Variants in RAD51B observed in about 807,000 individuals in gnomAD.
RAD51B encodes the protein RAD51 paralog B.
In RAD51B, 38 loss-of-function variants were observed where a neutral mutation model predicts 42.2. That is an observed-to-expected ratio of 0.90 (90% CI 0.70 to 1.18). The LOEUF (loss-of-function observed/expected upper bound fraction) is 1.18, where lower values mean the gene tolerates loss of function less well. Among genes scored for constraint, RAD51B ranks in the 50% most tolerant of loss-of-function variants. The probability of loss-of-function intolerance (pLI) is 0.00; values close to 1 mark genes in which losing one functional copy is unlikely to be tolerated. For synonymous variants in RAD51B, 154 were observed against 145.2 expected (o/e 1.06, Z -0.43); for missense variants, 373 against 400.7 (o/e 0.93, Z 0.59).
intron 4 of RAD51B, among the ~76,000 whole-genome samples, chr14:67,840,347 A>G (rs10133239): frequency 0.33 from 49,458 of 151,922 alleles, 8,412 homozygotes; most frequent in Middle Eastern, 0.45. Flanking sequence ...TGTATACCCA[A>G]TGTTTAGCTC....
At chr14:68,477,290 T>C (rs1214470049) in intron 10 of RAD51B, among the ~76,000 whole-genome samples, 1 of 152,212 alleles carries the variant, frequency 6.6e-6, no homozygotes, top group East Asian at 1.9e-4. Context: ...GTCCCCTGCC[T>C]TTGTGAGGGC....
At chr14:67,934,145 C>A (rs1478873899) in intron 7 of RAD51B, among the ~76,000 whole-genome samples, 2 of 152,144 alleles carry the variant, frequency 1.3e-5, no homozygotes, top group Non-Finnish European at 2.9e-5. Flanking sequence ...TTTCCTGGTA[C>A]AATCAGGATG....
intron 10 of RAD51B, among the ~76,000 whole-genome samples, chr14:68,530,402 G>A (rs910866037): frequency 1.6e-5 from 2 of 128,542 alleles, no homozygotes; most frequent in South Asian, 2.5e-4. Context: ...AGCCATGATT[G>A]TGCTACTACA....
chr14:68,253,458 G>A (rs535191462), intron 7 of RAD51B, among the ~76,000 whole-genome samples: 49 of 152,114 alleles, frequency 3.2e-4, no homozygotes, highest in Non-Finnish European at 5.6e-4. Context: ...TATACAGTAA[G>A]GCTATTAACC....
chr14:67,927,161 G>A (rs549247907), intron 7 of RAD51B, among the ~76,000 whole-genome samples: 81 of 152,244 alleles, frequency 5.3e-4, no homozygotes, highest in Non-Finnish European at 8.2e-4. Flanking sequence ...GACTTTAAAT[G>A]AAAGCTACTC....
intron 9 of RAD51B, among the ~76,000 whole-genome samples, chr14:68,457,702 G>A (rs561388686): frequency 3.3e-5 from 5 of 151,180 alleles, no homozygotes; most frequent in East Asian, 3.9e-4. Context: ...GGGTTCAAGC[G>A]ATTCTCCTGC....
chr14:68,116,871 A>AAAT (rs56173331), intron 7 of RAD51B, among the ~76,000 whole-genome samples: 26,447 of 152,118 alleles, frequency 0.17, 2,475 homozygotes, highest in Middle Eastern at 0.35. Flanking sequence ...AGTTTTAAGT[A>AAAT]AATATTAAGG....
chr14:68,473,747 C>T (rs911508184), intron 10 of RAD51B, among the ~76,000 whole-genome samples: 1 of 152,054 alleles, frequency 6.6e-6, no homozygotes, highest in Non-Finnish European at 1.5e-5. Flanking sequence ...ACTTGACAAA[C>T]TTTAGGACTC....
chr14:68,108,213 A>G (rs1444110188), intron 7 of RAD51B, among the ~76,000 whole-genome samples: 9 of 151,904 alleles, frequency 5.9e-5, no homozygotes, highest in African/African-American at 2.2e-4. Context: ...GGGAACTCAC[A>G]TTCCTCAAAA....
chr14:68,497,608 AC>A (rs1884624437), intron 10 of RAD51B: 1 of 823,476 alleles, frequency 1.2e-6, no homozygotes, highest in Non-Finnish European at 1.5e-6. Context: ...ATGATGTGCA[AC>A]CAGCATCTCT....
intron 7 of RAD51B, among the ~76,000 whole-genome samples, chr14:67,909,866 G>C (rs1328520159): frequency 6.6e-6 from 1 of 152,064 alleles, no homozygotes; most frequent in African/African-American, 2.4e-5. Flanking sequence ...ATATTGTCCA[G>C]ACTGGTCTTG....
chr14:68,004,814 G>T (rs2075552848), intron 7 of RAD51B, among the ~76,000 whole-genome samples: 1 of 151,986 alleles, frequency 6.6e-6, no homozygotes, highest in African/African-American at 2.4e-5. Context: ...GTGTATTTTA[G>T]GGGGGTTTGG....
At chr14:68,643,480 G>A (rs565139058) in intron 10 of RAD51B, among the ~76,000 whole-genome samples, 12 of 152,218 alleles carry the variant, frequency 7.9e-5, no homozygotes, top group Non-Finnish European at 1.5e-4. Context: ...GGAGACCAGA[G>A]GAGGATGGGA....
intron 7 of RAD51B, among the ~76,000 whole-genome samples, chr14:68,020,663 G>A (rs531757787): frequency 1.3e-5 from 2 of 152,168 alleles, no homozygotes; most frequent in Admixed American, 6.5e-5. Flanking sequence ...TGATGAAAAG[G>A]TTCTGAGATG....
chr14:68,263,284 C>G (rs1018663212), intron 7 of RAD51B, among the ~76,000 whole-genome samples: 1 of 152,200 alleles, frequency 6.6e-6, no homozygotes, highest in African/African-American at 2.4e-5. Context: ...ACTCAAGACT[C>G]TGTTACATAT....
chr14:67,824,529 A>G (rs913991267), intron 2 of RAD51B, among the ~76,000 whole-genome samples: 1 of 152,088 alleles, frequency 6.6e-6, no homozygotes, highest in Non-Finnish European at 1.5e-5. Context: ...AAGTGCTAGC[A>G]TTACAGACAT....
At chr14:68,503,173 C>T (rs1368513530) in intron 10 of RAD51B, among the ~76,000 whole-genome samples, 1 of 152,186 alleles carries the variant, frequency 6.6e-6, no homozygotes, top group Non-Finnish European at 1.5e-5. Context: ...AAGCTCTTCT[C>T]TCCTCCTTGG....
At chr14:68,449,991 C>T (rs1249040155) in intron 9 of RAD51B, among the ~76,000 whole-genome samples, 1 of 152,112 alleles carries the variant, frequency 6.6e-6, no homozygotes, top group Non-Finnish European at 1.5e-5. Flanking sequence ...ATGATTAACT[C>T]CTTGGAAAGG....
chr14:67,978,405 C>T (rs1441671798), intron 7 of RAD51B, among the ~76,000 whole-genome samples: 1 of 146,084 alleles, frequency 6.8e-6, no homozygotes, highest in Non-Finnish European at 1.6e-5. Context: ...TCCCTCCAGC[C>T]TCTGCGTTTT....
Sources: allele counts gnomAD v4.1 joint callset (sites outside exome capture counted in the v4.1 genomes callset), GRCh38; gene constraint gnomAD v4.1.1; transcripts MANE v1.5; gene names NCBI Gene and HGNC (gene_info 2026-07-23, HGNC 2026-07-21).